Variants in CPNE1 observed in about 807,000 individuals in gnomAD.
CPNE1 encodes the protein copine-1.
CPNE1 carries 58 observed loss-of-function variants against 63.2 expected under a neutral mutation model. The observed-to-expected ratio is 0.92, with a 90% CI of 0.74 to 1.14. CPNE1 has a LOEUF of 1.14. Among genes scored for constraint, CPNE1 ranks in the 50% most tolerant of loss-of-function variants. The pLI, the probability that CPNE1 is intolerant of heterozygous loss-of-function variation, is 0.00. For missense variants in CPNE1, 672 were observed against 661.7 expected, an observed-to-expected ratio of 1.02 and a Z score of -0.17; for synonymous variants, 237 against 249.0, an observed-to-expected ratio of 0.95 and a Z score of 0.45.
intron 1 of CPNE1, among the ~76,000 whole-genome samples, chr20:35,663,848 C>T (rs2034377567): frequency 6.6e-6 from 1 of 152,188 alleles, no homozygotes; most frequent in Non-Finnish European, 1.5e-5. Context: ...ACCCAATTCA[C>T]GTGGCTGCAA....
intron 1 of CPNE1, chr20:35,650,141 T>C (rs1032410132): frequency 1.3e-5 from 2 of 152,582 alleles, no homozygotes; most frequent in Admixed American, 6.5e-5. Context: ...TACACAAAAA[T>C]CAAGTTCCAG....
chr20:35,638,804 T>C (rs892784483), intron 1 of CPNE1, among the ~76,000 whole-genome samples: 1 of 152,124 alleles, frequency 6.6e-6, no homozygotes, highest in African/African-American at 2.4e-5. Context: ...AACAAAAAAA[T>C]CTATTAGTAT....
intron 1 of CPNE1, among the ~76,000 whole-genome samples, chr20:35,641,930 C>G (rs2032834960): frequency 6.6e-6 from 1 of 152,232 alleles, no homozygotes; most frequent in South Asian, 2.1e-4. Context: ...CAAGAGCCAA[C>G]TGTTACATAT....
intron 1 of CPNE1, among the ~76,000 whole-genome samples, chr20:35,637,299 C>T (rs756779165): frequency 7.9e-5 from 12 of 152,072 alleles, no homozygotes; most frequent in Non-Finnish European, 1.5e-5. Flanking sequence ...CCTTTAGGTT[C>T]GGAGCCAAAC....
intron 1 of CPNE1, chr20:35,654,251 C>T: frequency 1.2e-6 from 2 of 1,614,228 alleles, no homozygotes; most frequent in Non-Finnish European, 1.7e-6. Flanking sequence ...TTCAAAGCTT[C>T]AAATGTATCT....
chr20:35,630,481 C>G lies in CPNE1; in HGVS notation c.1060G>C (p.Glu354Gln). 6.2e-7 allele frequency: 1 copy of G among 1,614,134 alleles called. No individual in the cohort carries two copies. The highest frequency in any genetic ancestry group is 8.5e-7 in the Non-Finnish European group (1 of 1,180,006). The change falls in exon 13 of 16, where the codon GAA (glutamate) becomes CAA (glutamine). Residue 354 changes from glutamate to glutamine, a missense_variant. Transcript: ENST00000397443. ...CTGGGGTTGAAATTCAAGGCAAATT[C>G]ATGCGAGACCTGGAGACAAGAATGA... ...QVPPDWQVSHEFALNFNPSNP... is the reference protein window; with the variant it reads ...QVPPDWQVSHQFALNFNPSNP...
chr20:35,654,967 A>T, intron 1 of CPNE1: 1 of 1,614,148 alleles, frequency 6.2e-7, no homozygotes, highest in Non-Finnish European at 8.5e-7. Context: ...TGTTGTGGGC[A>T]AGTTTACCCT....
rs78991274 is a variant in CPNE1, at chr20:35,642,566, C to T, written c.1-9643G>A. 2.4e-3 allele frequency among the ~76,000 whole-genome samples: 358 copies of T among 152,320 alleles called. 7 individuals carry two copies. The East Asian group carries it at 0.058, about 25-fold the overall frequency. On this transcript the variant is annotated intron_variant, in intron 1 of 15. Coordinates refer to ENST00000397443, the MANE Select transcript of CPNE1 (RefSeq NM_152925.3). ...AAAAGACAAACTACACCAACCACCA[C>T]CACTCTTCTTTTTCCTTTTTGGCCC...
intron 1 of CPNE1, chr20:35,652,520 A>C (rs1303816076): frequency 6.2e-7 from 1 of 1,602,778 alleles, no homozygotes. Context: ...AATGATGTGA[A>C]TGGCTACCCT....
At chr20:35,628,125 CAA>C (rs1189315178) in intron 13 of CPNE1, among the ~76,000 whole-genome samples, 11 of 146,442 alleles carry the variant, frequency 7.5e-5, no homozygotes, top group African/African-American at 2.5e-4. Context: ...ACTAAAAATA[CAA>C]AAAAAAAACT....
At chr20:35,652,656 T>C in intron 1 of CPNE1, 1 of 1,614,202 alleles carries the variant, frequency 6.2e-7, no homozygotes, top group South Asian at 1.1e-5. Flanking sequence ...TTTCATTGTA[T>C]TTTAAACACA....
At chr20:35,654,202 AC>A (rs1408123881) in intron 1 of CPNE1, 1 of 1,614,158 alleles carries the variant, frequency 6.2e-7, no homozygotes, top group African/African-American at 1.3e-5. Flanking sequence ...GGCAGGGCTA[AC>A]TTCCACATAG....
At chr20:35,637,187 G>A (rs2032536377) in intron 1 of CPNE1, among the ~76,000 whole-genome samples, 1 of 151,970 alleles carries the variant, frequency 6.6e-6, no homozygotes, top group Non-Finnish European at 1.5e-5. Context: ...GGCCTTATTA[G>A]TCTCTTGCGT....
chr20:35,629,314 T>C (rs2043217156), intron 13 of CPNE1, among the ~76,000 whole-genome samples: 1 of 152,096 alleles, frequency 6.6e-6, no homozygotes, highest in Non-Finnish European at 1.5e-5. Context: ...CCAGATCAGA[T>C]CAGGTCAGGT....
intron 1 of CPNE1, among the ~76,000 whole-genome samples, chr20:35,635,645 C>G (rs934137955): frequency 3.3e-5 from 5 of 152,156 alleles, no homozygotes; most frequent in African/African-American, 1.2e-4. Flanking sequence ...TACCTGAAGA[C>G]CACTCCACCA....
intron 1 of CPNE1, chr20:35,649,200 TC>T (rs1316019543): frequency 6.6e-6 from 1 of 152,250 alleles, no homozygotes; most frequent in Non-Finnish European, 1.5e-5. Flanking sequence ...AGAAATTCTT[TC>T]CAAAAGATTT....
chr20:35,636,066 C>T (rs951356539), intron 1 of CPNE1, among the ~76,000 whole-genome samples: 1 of 152,224 alleles, frequency 6.6e-6, no homozygotes, highest in African/African-American at 2.4e-5. Flanking sequence ...AGGCCTTACC[C>T]TATCTCCCTA....
chr20:35,647,426 A>T (rs1568926616), intron 1 of CPNE1: 2 of 152,076 alleles, frequency 1.3e-5, no homozygotes, highest in Non-Finnish European at 2.9e-5. Flanking sequence ...TGCTGAAGCA[A>T]GCACATCTTA....
At chr20:35,629,447 C>G (rs1461972420) in intron 13 of CPNE1, among the ~76,000 whole-genome samples, 2 of 152,118 alleles carry the variant, frequency 1.3e-5, no homozygotes, top group Non-Finnish European at 2.9e-5. Flanking sequence ...AACAAGGCTT[C>G]CACTGATGCT....
Sources: gnomAD v4.1 joint callset for allele counts (sites outside exome capture counted in the v4.1 genomes callset) on GRCh38, gnomAD v4.1.1 for gene constraint, MANE v1.5 for transcripts, NCBI Gene and HGNC (gene_info 2026-07-23, HGNC 2026-07-21) for gene names.